Variants in MROH1 observed in about 807,000 individuals in gnomAD.
MROH1 encodes maestro heat like repeat family member 1.
A neutral mutation model predicts 116.5 loss-of-function variants in MROH1; 117 were observed. The observed-to-expected ratio is 1.00, with a 90% CI of 0.86 to 1.17. MROH1 has a LOEUF of 1.17. MROH1 is among the 50% of genes most tolerant of loss of function. The probability of loss-of-function intolerance (pLI) is 0.00; values close to 1 mark genes in which losing one functional copy is unlikely to be tolerated. For synonymous variants in MROH1, 921 were observed against 583.9 expected (o/e 1.58, Z -8.32); for missense variants, 1,873 against 1,338.5 (o/e 1.40, Z -6.23).
Position 144,261,220 on chromosome 8 carries a change from A to G in MROH1, c.4774+4A>G, listed in dbSNP as rs930837003. The G allele has an allele frequency of 4.5e-5, 34 of 763,574 alleles. No homozygotes were observed. In the African/African-American group the frequency reaches 5.3e-4, roughly 12 times the overall value. The allele number at this position is 763,574 out of a possible 1,614,324, so 47.3% of individuals were successfully genotyped here. A position where few individuals can be genotyped will look rare whatever the true frequency, so the allele number is the denominator to read the frequency against. ...GCTGCTGCACCCCTGTTCACCGGTA[A>G]GCACCACCCCCTGCCCCACCCCCAC... On this transcript the variant is annotated splice_donor_region_variant and intron_variant, in intron 42 of 43. Transcript: ENST00000326134.
At chr8:144,246,676 C>A (rs1841976058) in intron 29 of MROH1, among the ~76,000 whole-genome samples, 1 of 152,178 alleles carries the variant, frequency 6.6e-6, no homozygotes, top group African/African-American at 2.4e-5. Context: ...AGGTTTCCAT[C>A]TGAGCCCAGG....
chr8:144,154,728 C>T (rs1817635101), intron 1 of MROH1, among the ~76,000 whole-genome samples: 1 of 149,378 alleles, frequency 6.7e-6, no homozygotes, highest in Non-Finnish European at 1.5e-5. Context: ...TGTACAATGG[C>T]ATGATCTCAG....
intron 7 of MROH1, among the ~76,000 whole-genome samples, chr8:144,181,721 G>A (rs550337900): frequency 1.1e-4 from 17 of 152,294 alleles, no homozygotes; most frequent in African/African-American, 3.4e-4. Context: ...GGAAGTGGGT[G>A]TGGGTGTGGA....
intron 35 of MROH1, among the ~76,000 whole-genome samples, chr8:144,256,569 G>A (rs1843851161): frequency 6.6e-6 from 1 of 152,234 alleles, no homozygotes; most frequent in Non-Finnish European, 1.5e-5. Flanking sequence ...ATGTGAATGG[G>A]ATGGGGCAGC....
rs945793980 is a variant in MROH1 at position 144,247,696 on chromosome 8, C to G, written c.3120+17C>G. 915 of 750,474 alleles carry G rather than the reference C, an allele frequency of 1.2e-3. 1 individual carries two copies. Among genetic ancestry groups the G allele is most frequent in the Non-Finnish European group, 6.8e-4 (280 of 410,336 alleles). The allele number at this position is 750,474 out of a possible 1,614,324, so 46.5% of individuals were successfully genotyped here. A position where few individuals can be genotyped will look rare whatever the true frequency, so the allele number is the denominator to read the frequency against. On this transcript the variant is annotated intron_variant, in intron 31 of 43. Transcript: ENST00000326134. ...GTAGGCCAGGTACCAGCTGGGAGCT[C>G]TGCGGCCGGAAGGCAGGCTGGCACT... is the stretch of plus-strand genomic sequence containing the variant.
At position 144,238,769 on chromosome 8, in the gene MROH1, G is replaced by T; in HGVS notation, c.1352G>T (p.Gly451Val). Residue 451 changes from glycine to valine, a missense_variant, in exon 15 of 44, where the codon GGC becomes GTC. By Grantham distance (109) the Gly-to-Val change is moderately radical. Transcript: ENST00000326134. ...LPPEQEPEKP[G>V]PGSKDPKADS... ...GCCTTCCTCCAGCCTGAGAAGCCAGGCCCCGGCAGCAAGGACCCCAAGGCC... is the reference window on the plus strand; with the variant it reads ...GCCTTCCTCCAGCCTGAGAAGCCAGTCCCCGGCAGCAAGGACCCCAAGGCC... 2.6e-6 allele frequency: 2 copies of T among 772,832 alleles called. No homozygotes were observed. The highest frequency in any genetic ancestry group is 2.7e-5 in the South Asian group (2 of 74,534). 47.9% of individuals were successfully genotyped at this position (772,832 alleles called of 1,614,324 possible).
intron 12 of MROH1, among the ~76,000 whole-genome samples, chr8:144,212,076 T>TTTTGTTTGTTTGTTTGTTTG (rs56029728): frequency 3.2e-4 from 48 of 151,090 alleles, no homozygotes; most frequent in African/African-American, 1.1e-3. Context: ...TGTGTTGTTT[T>TTTTGTTTGTTTGTTTGTTTG]TTTGTTTGTT....
chr8:144,190,819 C>G lies in MROH1; in HGVS notation c.598C>G (p.Leu200Val). Reference sequence around the variant, plus strand: ...CTTCAGCGAGGGTGCCCTGGAGTACCTAGCCAACCTGGACCGAGCCCCAGA... The same window carrying G: ...CTTCAGCGAGGGTGCCCTGGAGTACGTAGCCAACCTGGACCGAGCCCCAGA... Reference protein sequence around the residue: ...QRFSEGALEYLANLDRAPDPT... With the variant: ...QRFSEGALEYVANLDRAPDPT... The change falls in exon 8 of 44, where the codon CTA becomes GTA. Residue 200 changes from leucine (L) to valine (V), a missense_variant. By Grantham distance (32) the Leu-to-Val change is conservative (BLOSUM62 1). Coordinates refer to ENST00000326134, the MANE Select transcript of MROH1 (RefSeq NM_032450.3). 6.2e-7 allele frequency: 1 copy of G among 1,613,774 alleles called. No individual in the cohort carries two copies. The highest frequency in any genetic ancestry group is 8.5e-7 in the Non-Finnish European group (1 of 1,179,878).
rs1843208555 is a variant in MROH1, at chr8:144,253,652, G to A, written c.3429-1161G>A. ...TCCCCACACTCACGCCCAGCCCTCT[G>A]CTGCTTGCCTTCTGCTTGAAGGACG... On this transcript the variant is annotated intron_variant, in intron 33 of 43. Transcript: ENST00000326134. Among the ~76,000 whole-genome samples, 4 of 151,992 alleles carry A rather than the reference G, an allele frequency of 2.6e-5. No homozygotes were observed. The South Asian group carries it at 6.2e-4, about 24-fold the overall frequency.
intron 29 of MROH1, among the ~76,000 whole-genome samples, chr8:144,246,911 A>G (rs1199922877): frequency 6.6e-6 from 1 of 152,198 alleles, no homozygotes; most frequent in African/African-American, 2.4e-5. Context: ...GGGGTCTTGT[A>G]CAGTCCTGCC....
chr8:144,241,193 C>A, intron 21 of MROH1, 82 bp downstream of exon 21: 1 of 709,424 alleles, frequency 1.4e-6, no homozygotes. Flanking sequence ...AGGCAGCTGG[C>A]TAGCCTGTGT....
rs1007321503 is a variant in MROH1 at position 144,217,746 on chromosome 8, A to G, written c.1142-2854A>G. Among the ~76,000 whole-genome samples, 4 of 152,182 alleles carry G rather than the reference A, an allele frequency of 2.6e-5. No homozygotes were observed. The South Asian group carries it at 8.3e-4, about 31-fold the overall frequency. ...AGCCTCCCGAGGAGCTGGGATGACA[A>G]GTGTGCGTGACCACACCTGCCTAAT... On this transcript the variant is annotated intron_variant, in intron 12 of 43. Coordinates refer to ENST00000326134, the MANE Select transcript of MROH1 (RefSeq NM_032450.3).
intron 4 of MROH1, among the ~76,000 whole-genome samples, chr8:144,172,413 CT>C (rs1465451668): frequency 1.1e-3 from 161 of 142,948 alleles, no homozygotes; most frequent in Middle Eastern, 3.6e-3. Flanking sequence ...TTTTTTTTTT[CT>C]TTTTTTTTTT....
chr8:144,233,066 G>A (rs1418529160), intron 14 of MROH1, among the ~76,000 whole-genome samples: 3 of 151,798 alleles, frequency 2.0e-5, no homozygotes, highest in African/African-American at 7.3e-5. Context: ...CTGGGCTCAA[G>A]AAGTCTTTCT....
intron 14 of MROH1, among the ~76,000 whole-genome samples, chr8:144,236,614 G>T (rs1367671551): frequency 1.3e-5 from 2 of 151,682 alleles, no homozygotes; most frequent in Non-Finnish European, 2.9e-5. Context: ...ATGGTGGTGG[G>T]CGCCTGTAAT....
chr8:144,258,072 G>A (rs996689328), intron 35 of MROH1, among the ~76,000 whole-genome samples: 31 of 152,300 alleles, frequency 2.0e-4, no homozygotes, highest in Non-Finnish European at 4.0e-4. Context: ...CATCTGAGCC[G>A]ATGGTCGATG....
rs530274879 is a variant in MROH1, at chr8:144,180,568, G to T, written c.562+45G>T. On this transcript the variant is annotated intron_variant, in intron 7 of 43. Transcript: ENST00000326134. This position sits in a 1 kb window ranked among gnomAD's most constrained non-coding sequence, Gnocchi z 7.4. ...CCTTCTGTCTCAAGTGCCCCTTTGT[G>T]GGGGGCTGTTCCCGGGCATGCCTGT... The T allele has an allele frequency of 1.1e-5, 18 of 1,567,178 alleles. No individual in the cohort carries two copies. The highest frequency in any genetic ancestry group is 2.7e-5 in the African/African-American group (2 of 74,292).
At chr8:144,254,515 T>G in intron 33 of MROH1, 28 of 326,818 alleles carry the variant, frequency 8.6e-5, no homozygotes, top group East Asian at 3.8e-4. Flanking sequence ...CCAGGGAAGA[T>G]TTGTTCTCCC....
chr8:144,207,638 C>G (rs1476705456), intron 12 of MROH1, among the ~76,000 whole-genome samples: 1 of 151,886 alleles, frequency 6.6e-6, no homozygotes, highest in African/African-American at 2.4e-5. Flanking sequence ...CCAGAGTAGC[C>G]TGGGTTACAG....
Sources: gnomAD v4.1 joint callset for allele counts (sites outside exome capture counted in the v4.1 genomes callset) on GRCh38, gnomAD v4.1.1 for gene constraint, Gnocchi (gnomAD v3.1) non-coding constraint, MANE v1.5 for transcripts, NCBI Gene and HGNC (gene_info 2026-07-23, HGNC 2026-07-21) for gene names.